Variants in ATRN observed in about 807,000 individuals in gnomAD.
The protein encoded by ATRN is attractin-2.
ATRN carries 54 observed loss-of-function variants against 178.7 expected under a neutral mutation model. That is an observed-to-expected ratio of 0.30 (90% CI 0.24 to 0.38). The LOEUF (loss-of-function observed/expected upper bound fraction) is 0.38, where lower values mean the gene tolerates loss of function less well. ATRN is among the 10% of genes least tolerant of loss of function. ATRN has a pLI of 1.00. For synonymous variants in ATRN, 636 were observed against 663.0 expected, an observed-to-expected ratio of 0.96 and a Z score of 0.63; for missense variants, 1,443 against 1,815.1, an observed-to-expected ratio of 0.79 and a Z score of 3.73.
At chr20:3,596,904 T>C (rs887294754) in intron 21 of ATRN, among the ~76,000 whole-genome samples, 1 of 152,002 alleles carries the variant, frequency 6.6e-6, no homozygotes, top group African/African-American at 2.4e-5. Context: ...ATGTGTTTTC[T>C]CTTTATGGGA....
intron 18 of ATRN, 116 bp from the exon 19 acceptor site, chr20:3,591,053 T>C (rs2086434781): frequency 8.7e-7 from 1 of 1,154,824 alleles, no homozygotes; most frequent in Non-Finnish European, 1.2e-6. Context: ...TGGGCCAGTT[T>C]TGGTGATTTA....
intron 24 of ATRN, among the ~76,000 whole-genome samples, chr20:3,619,989 C>T (rs182713502): frequency 2.0e-5 from 3 of 152,248 alleles, no homozygotes; most frequent in Admixed American, 1.3e-4. Context: ...AAAACCTCCC[C>T]TCCATTCCCT....
chr20:3,637,348 CAT>C (rs2146324392), intron 26 of ATRN, among the ~76,000 whole-genome samples: 1 of 152,318 alleles, frequency 6.6e-6, no homozygotes, highest in South Asian at 2.1e-4. Flanking sequence ...TGCTTTTACA[CAT>C]GTTGCCTCCT....
Position 3,644,231 on chromosome 20 carries a change from T to C in ATRN, c.4128T>C (p.Pro1376=). Residue 1376 remains proline (P), a synonymous_variant, in exon 28 of 29, where the codon CCT becomes CCC. Coordinates refer to ENST00000262919, the MANE Select transcript of ATRN (RefSeq NM_139321.3). ...AAVLSVFVRL[P]RGLGGIPPPG... ...TCCTCTCTGTGTTTGTGAGGCTCCC[T>C]CGAGGCCTGGGTGGCATCCCTCCTC... 6.2e-7 allele frequency: 1 copy of C among 1,614,202 alleles called. No individual in the cohort carries two copies. Among genetic ancestry groups the C allele is most frequent in the Non-Finnish European group, 8.5e-7 (1 of 1,180,016 alleles).
chr20:3,569,576 C>G (rs2086087954), intron 11 of ATRN, among the ~76,000 whole-genome samples: 6 of 152,096 alleles, frequency 3.9e-5, no homozygotes. Flanking sequence ...TACACTTAGG[C>G]TACACTAAAT....
rs113696870 is a variant in ATRN, at chr20:3,490,152, C to T, written c.410+18635C>T. 11 of 1,497,032 alleles carry T rather than the reference C, an allele frequency of 7.3e-6. No homozygotes were observed. In the Admixed American group the frequency reaches 1.8e-4, roughly 25 times the overall value. 92.7% of individuals were successfully genotyped at this position (1,497,032 alleles called of 1,614,324 possible). The stretch of plus-strand genomic sequence containing the variant: ...GTTATCAAGTGACTCCAGGGACTTT[C>T]CTTTGGTACTGAATAGTCTCTGGGC... On this transcript the variant is annotated intron_variant, in intron 1 of 28. Transcript: ENST00000262919.
At chr20:3,621,248 C>T (rs1333805795) in intron 24 of ATRN, among the ~76,000 whole-genome samples, 1 of 151,930 alleles carries the variant, frequency 6.6e-6, no homozygotes, top group African/African-American at 2.4e-5. Flanking sequence ...AGGGAGGACC[C>T]CCATGCACAC....
chr20:3,558,518 T>C (rs2085908526), intron 6 of ATRN, among the ~76,000 whole-genome samples: 1 of 144,130 alleles, frequency 6.9e-6, no homozygotes, highest in African/African-American at 2.6e-5. Context: ...TTACTTAAGA[T>C]ATAACAATAT....
At chr20:3,520,121 T>C (rs1056653243) in intron 1 of ATRN, among the ~76,000 whole-genome samples, 1 of 152,232 alleles carries the variant, frequency 6.6e-6, no homozygotes, top group Admixed American at 6.5e-5. Flanking sequence ...ATATAAGTGC[T>C]ACATTAGACC....
chr20:3,519,244 A>G (rs1245585126), intron 1 of ATRN, among the ~76,000 whole-genome samples: 2 of 152,104 alleles, frequency 1.3e-5, no homozygotes, highest in Non-Finnish European at 2.9e-5. Context: ...TTGAGGCTGA[A>G]GCAGTACTGG....
rs200644630 is a variant in ATRN at position 3,560,659 on chromosome 20, T to C, written c.1204-3T>C. On this transcript the variant is annotated splice_polypyrimidine_tract_variant and splice_region_variant and intron_variant, in intron 7 of 28. Transcript: ENST00000262919. ...AAAAATTTTGTTTGCATTTTTTTCC[T>C]AGGATAAAATTTACATGTATGGAGG... The C allele has an allele frequency of 1.2e-6, 2 of 1,602,344 alleles. No homozygotes were observed. Among genetic ancestry groups the C allele is most frequent in the East Asian group, 4.5e-5 (2 of 44,788 alleles).
intron 1 of ATRN, among the ~76,000 whole-genome samples, chr20:3,484,311 C>A (rs890563465): frequency 6.6e-6 from 1 of 151,032 alleles, no homozygotes; most frequent in South Asian, 2.1e-4. Context: ...TATTCTTTTC[C>A]TTTATGGCTT....
At chr20:3,537,914 TTTTA>T (rs1398780771) in intron 2 of ATRN, among the ~76,000 whole-genome samples, 3 of 150,874 alleles carry the variant, frequency 2.0e-5, no homozygotes. Flanking sequence ...TTTTATTTTA[TTTTA>T]TTTTTTTATT....
chr20:3,614,893 C>T (rs577997596), intron 24 of ATRN, among the ~76,000 whole-genome samples: 2 of 152,280 alleles, frequency 1.3e-5, no homozygotes, highest in African/African-American at 2.4e-5. Flanking sequence ...GATATGCTCT[C>T]ACTTAGCATA....
intron 24 of ATRN, among the ~76,000 whole-genome samples, chr20:3,622,396 T>C (rs1157111788): frequency 1.3e-5 from 2 of 152,270 alleles, no homozygotes; most frequent in Admixed American, 6.5e-5. Context: ...AAATCTTGTC[T>C]TTTACAAGAT....
chr20:3,583,329 G>A lies in ATRN; in HGVS notation c.2765-569G>A, dbSNP rs1252320657. On this transcript the variant is annotated intron_variant, in intron 16 of 28. Coordinates refer to ENST00000262919, the MANE Select transcript of ATRN (RefSeq NM_139321.3). ...GTCCCCAAATTCTAAGGGGCTTACAGCCCTACTTTTATGGAAAGATTCACT... is the reference window on the plus strand; with the variant it reads ...GTCCCCAAATTCTAAGGGGCTTACAACCCTACTTTTATGGAAAGATTCACT... Among the ~76,000 whole-genome samples the A allele has an allele frequency of 5.3e-4, 80 of 152,290 alleles. 1 individual carries two copies. The highest frequency in any genetic ancestry group is 5.2e-3 in the Admixed American group (80 of 15,308).
At chr20:3,628,171 C>CA (rs1404470727) in intron 25 of ATRN, among the ~76,000 whole-genome samples, 1 of 151,550 alleles carries the variant, frequency 6.6e-6, no homozygotes, top group Non-Finnish European at 1.5e-5. Context: ...GACTCCATCT[C>CA]AAAAAACAAA....
intron 23 of ATRN, among the ~76,000 whole-genome samples, chr20:3,601,621 G>T (rs1050943371): frequency 1.3e-5 from 2 of 150,494 alleles, no homozygotes; most frequent in African/African-American, 4.9e-5. Flanking sequence ...TCAACACTTT[G>T]GGAGACTGAG....
chr20:3,501,747 G>A (rs1161122113), intron 1 of ATRN, among the ~76,000 whole-genome samples: 3 of 152,184 alleles, frequency 2.0e-5, no homozygotes, highest in East Asian at 1.9e-4. Context: ...GGGACTGGCC[G>A]ATTTGAGATG....
Sources: allele counts gnomAD v4.1 joint callset (sites outside exome capture counted in the v4.1 genomes callset), GRCh38; gene constraint gnomAD v4.1.1; transcripts MANE v1.5; gene names NCBI Gene and HGNC (gene_info 2026-07-23, HGNC 2026-07-21).